The following EYS variants were observed in gnomAD, a reference collection of about 807,000 sequenced individuals.
EYS encodes the protein EGF-like photoreceptor maintenance factor.
A neutral mutation model predicts 282.1 loss-of-function variants in EYS; 250 were observed. The ratio of observed to expected loss-of-function variants is 0.89; its 90% CI spans 0.80 to 0.98. The LOEUF (loss-of-function observed/expected upper bound fraction) is 0.98, where lower values mean the gene tolerates loss of function less well. Ranked by LOEUF, EYS falls within the 50% of genes least tolerant of loss-of-function variation. The pLI is 0.00. For missense variants in EYS, 4,016 were observed against 3,709.0 expected (o/e 1.08, Z -2.15); for synonymous variants, 1,355 against 1,282.9 (o/e 1.06, Z -1.20).
intron 12 of EYS, among the ~76,000 whole-genome samples, chr6:65,145,669 A>G (rs1764459420): frequency 6.6e-6 from 1 of 152,080 alleles, no homozygotes; most frequent in East Asian, 1.9e-4. Context: ...GACAACTCCC[A>G]GGAATCTTTG....
chr6:64,844,799 A>G (rs549584780), intron 19 of EYS, among the ~76,000 whole-genome samples: 2 of 152,280 alleles, frequency 1.3e-5, no homozygotes, highest in African/African-American at 4.8e-5. Flanking sequence ...ATTCAAATAT[A>G]TTTCCTTCTC....
At chr6:65,573,021 T>C (rs1301493732) in intron 2 of EYS, among the ~76,000 whole-genome samples, 3 of 152,152 alleles carry the variant, frequency 2.0e-5, no homozygotes, top group Non-Finnish European at 4.4e-5. Flanking sequence ...AGATCTAATA[T>C]GTGTGCTTCT....
At chr6:65,665,020 T>A (rs538199393) in intron 1 of EYS, among the ~76,000 whole-genome samples, 1 of 152,290 alleles carries the variant, frequency 6.6e-6, no homozygotes, top group African/African-American at 2.4e-5. Context: ...TTTCTGCAGT[T>A]AAATGTACCC....
chr6:63,735,351 C>A (rs1346349234), intron 41 of EYS, among the ~76,000 whole-genome samples: 9 of 152,012 alleles, frequency 5.9e-5, no homozygotes, highest in Admixed American at 2.0e-4. Flanking sequence ...CAATTTTGAA[C>A]TTATAGATAA....
intron 22 of EYS, among the ~76,000 whole-genome samples, chr6:64,671,566 C>A (rs762879534): frequency 6.6e-6 from 1 of 152,058 alleles, no homozygotes; most frequent in Non-Finnish European, 1.5e-5. Context: ...GTTGGTGTGT[C>A]ATTTCAGGGA....
At chr6:64,181,130 G>GAA in intron 31 of EYS, among the ~76,000 whole-genome samples, 1 of 151,972 alleles carries the variant, frequency 6.6e-6, no homozygotes, top group East Asian at 1.9e-4. Flanking sequence ...AACAAGTGAA[G>GAA]AAAAAAGAAA....
chr6:63,806,495 A>G, intron 36 of EYS, 123 bp from the exon 37 acceptor site: 1 of 802,424 alleles, frequency 1.2e-6, no homozygotes, highest in Non-Finnish European at 1.9e-6. Flanking sequence ...ATTATACTTT[A>G]GTGCCCTTCA....
intron 31 of EYS, among the ~76,000 whole-genome samples, chr6:64,120,062 T>G (rs1434869443): frequency 6.6e-6 from 1 of 151,976 alleles, no homozygotes; most frequent in Non-Finnish European, 1.5e-5. Context: ...AACGTATATC[T>G]TTTGGCCAGG....
chr6:65,255,548 G>C (rs1434243452), intron 12 of EYS, among the ~76,000 whole-genome samples: 1 of 151,830 alleles, frequency 6.6e-6, no homozygotes, highest in Admixed American at 6.6e-5. Flanking sequence ...TACAGCAAAG[G>C]AAACAATCAA....
chr6:64,137,901 A>G (rs1774214797), intron 31 of EYS, among the ~76,000 whole-genome samples: 1 of 152,192 alleles, frequency 6.6e-6, no homozygotes. Context: ...CTTACTTTGT[A>G]AAAAACAAAA....
intron 26 of EYS, among the ~76,000 whole-genome samples, chr6:64,446,601 T>C (rs1311665662): frequency 6.6e-6 from 1 of 152,092 alleles, no homozygotes; most frequent in Non-Finnish European, 1.5e-5. Context: ...TAAAATTCTA[T>C]ATCAATTTTT....
intron 30 of EYS, among the ~76,000 whole-genome samples, chr6:64,250,832 T>C (rs1767185610): frequency 6.6e-6 from 1 of 152,166 alleles, no homozygotes; most frequent in Non-Finnish European, 1.5e-5. Flanking sequence ...CAAATAATGA[T>C]ATATCTTCCA....
rs139339997 is a variant in EYS, at chr6:64,155,239, T to C, written c.6425-73237A>G. On this transcript the variant is annotated intron_variant, in intron 31 of 42. Transcript: ENST00000503581. ...GTATCTAATATGCAGTTTGAAGGAATAGTTTATTTTTGGAAACACTGACTG... is the reference window on the plus strand; with the variant it reads ...GTATCTAATATGCAGTTTGAAGGAACAGTTTATTTTTGGAAACACTGACTG... 6.6e-5 allele frequency among the ~76,000 whole-genome samples: 10 copies of C among 152,270 alleles called. 1 individual carries two copies. The highest frequency in any genetic ancestry group is 2.4e-4 in the African/African-American group (10 of 41,544).
intron 29 of EYS, among the ~76,000 whole-genome samples, chr6:64,361,542 C>T (rs1772005665): frequency 1.3e-5 from 2 of 151,696 alleles, no homozygotes; most frequent in African/African-American, 2.4e-5. Flanking sequence ...CATTTTTGAT[C>T]ATTTTAATTA....
intron 33 of EYS, among the ~76,000 whole-genome samples, chr6:64,025,883 A>G (rs1450157471): frequency 6.6e-6 from 1 of 152,200 alleles, no homozygotes; most frequent in Non-Finnish European, 1.5e-5. Flanking sequence ...CCCAGTACTA[A>G]CAGGAGAATG....
At chr6:65,535,578 T>C (rs1562245909) in intron 2 of EYS, among the ~76,000 whole-genome samples, 1 of 152,178 alleles carries the variant, frequency 6.6e-6, no homozygotes, top group African/African-American at 2.4e-5. Context: ...GTCTCAGGTA[T>C]GTCTTTATTA....
At chr6:64,786,333 G>A (rs1021005380) in intron 22 of EYS, among the ~76,000 whole-genome samples, 32 of 151,988 alleles carry the variant, frequency 2.1e-4, no homozygotes, top group African/African-American at 5.6e-4. Flanking sequence ...CAAGTGTGGC[G>A]GAAACCAGCC....
intron 26 of EYS, among the ~76,000 whole-genome samples, chr6:64,495,275 G>A (rs1322080217): frequency 1.3e-5 from 2 of 151,660 alleles, no homozygotes; most frequent in Non-Finnish European, 3.0e-5. Context: ...CAGGAGTCAG[G>A]TCAGACAACA....
intron 14 of EYS, among the ~76,000 whole-genome samples, chr6:64,996,900 A>G (rs1337213957): frequency 1.3e-5 from 2 of 152,206 alleles, no homozygotes; most frequent in Non-Finnish European, 2.9e-5. Flanking sequence ...ACAAACTATA[A>G]GCCTGGATTA....
Sources: allele counts gnomAD v4.1 joint callset (sites outside exome capture counted in the v4.1 genomes callset), GRCh38; gene constraint gnomAD v4.1.1; transcripts MANE v1.5; gene names NCBI Gene and HGNC (gene_info 2026-07-23, HGNC 2026-07-21).